AP4E1: variants seen among roughly 807,000 people sequenced by gnomAD.
The protein encoded by AP4E1 is adaptor related protein complex 4 subunit epsilon 1.
In AP4E1, 56 loss-of-function variants were observed where a neutral mutation model predicts 128.2. The observed-to-expected ratio is 0.44, with a 90% confidence interval of 0.35 to 0.55. The LOEUF (loss-of-function observed/expected upper bound fraction) is 0.55. AP4E1 is among the 20% of genes least tolerant of loss of function. The probability of loss-of-function intolerance (pLI) is 0.00; values close to 1 mark genes in which losing one functional copy is unlikely to be tolerated. For synonymous variants in AP4E1, 484 were observed against 473.1 expected (o/e 1.02, Z -0.30); for missense variants, 1,324 against 1,307.7 (o/e 1.01, Z -0.19).
chr15:50,989,563 G>C (rs2064776454), intron 16 of AP4E1, among the ~76,000 whole-genome samples: 1 of 151,868 alleles, frequency 6.6e-6, no homozygotes, highest in African/African-American at 2.4e-5. Flanking sequence ...CAAGCATGGG[G>C]AGCAAATATT....
Position 50,941,764 on chromosome 15 carries a change from A to G in AP4E1, c.1165A>G (p.Ile389Val), listed in dbSNP as rs1256443477. The change falls in exon 10 of 21, where the codon ATT becomes GTT. Residue 389 changes from isoleucine (I) to valine (V), a missense_variant. Coordinates refer to ENST00000261842, the MANE Select transcript of AP4E1 (RefSeq NM_007347.5). ...IECLDHPDPI[I>V]KRETLELLYR... ...ATGTTTAGATCATCCTGATCCCATT[A>G]TTAAAAGAGAGGTAAACTGGTATTT... 1.9e-6 allele frequency: 3 copies of G among 1,607,928 alleles called. No homozygotes were observed. Among genetic ancestry groups the G allele is most frequent in the African/African-American group, 1.3e-5 (1 of 74,730 alleles).
chr15:50,991,863 A>G (rs1489054132), intron 16 of AP4E1, among the ~76,000 whole-genome samples: 2 of 151,928 alleles, frequency 1.3e-5, no homozygotes, highest in Non-Finnish European at 2.9e-5. Context: ...TGTTCATTTC[A>G]TGATCAACTC....
intron 15 of AP4E1, among the ~76,000 whole-genome samples, chr15:50,978,432 G>A (rs934773072): frequency 1.3e-5 from 2 of 152,124 alleles, no homozygotes; most frequent in African/African-American, 4.8e-5. Flanking sequence ...AATAATAGCT[G>A]AGAATGGTTA....
intron 13 of AP4E1, among the ~76,000 whole-genome samples, chr15:50,956,969 T>G (rs1377297077): frequency 6.6e-6 from 1 of 152,128 alleles, no homozygotes; most frequent in Non-Finnish European, 1.5e-5. Flanking sequence ...TGAGTCGCTT[T>G]TGGGCTCTGG....
chr15:50,914,513 T>C (rs1163615637), intron 2 of AP4E1, among the ~76,000 whole-genome samples: 1 of 151,994 alleles, frequency 6.6e-6, no homozygotes, highest in African/African-American at 2.4e-5. Flanking sequence ...TAGATGGGCG[T>C]GGTGGCGTGC....
chr15:50,975,438 G>A (rs933992575), intron 15 of AP4E1, among the ~76,000 whole-genome samples: 1 of 152,150 alleles, frequency 6.6e-6, no homozygotes, highest in African/African-American at 2.4e-5. Context: ...GGGTCTTACA[G>A]TTAAGTCCTT....
At chr15:50,909,362 C>T (rs1222733615) in intron 1 of AP4E1, among the ~76,000 whole-genome samples, 1 of 152,164 alleles carries the variant, frequency 6.6e-6, no homozygotes, top group Non-Finnish European at 1.5e-5. Flanking sequence ...GTTTCCTTCT[C>T]TCCCCCGGTG....
chr15:50,984,775 C>T lies in AP4E1; in HGVS notation c.2090+630C>T, dbSNP rs571152311. Among the ~76,000 whole-genome samples, 11 of 152,250 alleles carry T rather than the reference C, an allele frequency of 7.2e-5. No homozygotes were observed. In the East Asian group the frequency reaches 1.9e-3, roughly 27 times the overall value. The stretch of plus-strand genomic sequence containing the variant: ...TAGTGCCGCAGTAAACATACGTGTG[C>T]ATGTGTCTTTATAGCAGCATGATTT... On this transcript the variant is annotated intron_variant, in intron 16 of 20. Transcript: ENST00000261842.
At chr15:50,938,358 T>G (rs11635015) in intron 8 of AP4E1, among the ~76,000 whole-genome samples, 92,013 of 151,926 alleles carry the variant, frequency 0.61, 28,046 homozygotes, top group Non-Finnish European at 0.63. Context: ...CCTCTATTCC[T>G]TCCAAGCATA....
intron 13 of AP4E1, among the ~76,000 whole-genome samples, chr15:50,954,188 G>A (rs1466810647): frequency 6.6e-6 from 1 of 151,824 alleles, no homozygotes; most frequent in African/African-American, 2.4e-5. Context: ...TTTATCTAGT[G>A]TCATGAGGGC....
chr15:50,940,285 T>C (rs1362750379), intron 8 of AP4E1, among the ~76,000 whole-genome samples: 1 of 152,324 alleles, frequency 6.6e-6, no homozygotes, highest in East Asian at 1.9e-4. Context: ...GTTCCTTTCT[T>C]AAAGAAAAAT....
rs756028764 is a variant in AP4E1 at position 50,928,942 on chromosome 15, A to G, written c.543-67A>G. 30 of 1,509,326 alleles carry G rather than the reference A, an allele frequency of 2.0e-5. No homozygotes were observed. The Admixed American group carries it at 3.8e-4, about 19-fold the overall frequency. 93.5% of individuals were successfully genotyped at this position (1,509,326 alleles called of 1,614,324 possible). A position where few individuals can be genotyped will look rare whatever the true frequency, so the allele number is the denominator to read the frequency against. ...CCAGTATTTTGAAATCATCTGGCCT[A>G]TAATCTTTCAAAGTAAATACTTGAG... is the stretch of plus-strand genomic sequence containing the variant. On this transcript the variant is annotated intron_variant, in intron 5 of 20. Coordinates refer to ENST00000261842, the MANE Select transcript of AP4E1 (RefSeq NM_007347.5).
intron 1 of AP4E1, among the ~76,000 whole-genome samples, chr15:50,909,629 G>A (rs2063539116): frequency 6.6e-6 from 1 of 152,186 alleles, no homozygotes; most frequent in African/African-American, 2.4e-5. Flanking sequence ...CGCCCAGGCT[G>A]GAGTGCAATG....
chr15:50,961,599 A>T (rs980541059), intron 14 of AP4E1, among the ~76,000 whole-genome samples: 1 of 151,906 alleles, frequency 6.6e-6, no homozygotes, highest in African/African-American at 2.4e-5. Flanking sequence ...TAGAAAAAAA[A>T]TACTCAACGT....
chr15:50,997,848 G>C lies in AP4E1; in HGVS notation c.2869G>C (p.Ala957Pro). Residue 957 changes from alanine to proline, a missense_variant, in exon 18 of 21, where the codon GCT becomes CCT. Physicochemically the swap from Ala to Pro is conservative, Grantham distance 27. Transcript: ENST00000261842. The stretch of plus-strand genomic sequence containing the variant: ...TAAGAGTGGTTTGGAATTGAAAAGT[G>C]CTGACTTAGAAATTTTTCCTGCAGA... ...TNKSGLELKS[A>P]DLEIFPAENF... 1 of 1,598,736 alleles carries C rather than the reference G, an allele frequency of 6.3e-7. No individual in the cohort carries two copies. Among genetic ancestry groups the C allele is most frequent in the South Asian group, 1.1e-5 (1 of 89,784 alleles).
At position 50,926,059 on chromosome 15, in the gene AP4E1, C is replaced by A. The variant is rs534785845; in HGVS notation, c.542+840C>A. Reference sequence around the variant, plus strand: ...TTTCCTTAACTGTCTCCTTATCAGACTGACTTACTTTTCACTGTATTTGAA... The same window carrying A: ...TTTCCTTAACTGTCTCCTTATCAGAATGACTTACTTTTCACTGTATTTGAA... On this transcript the variant is annotated intron_variant, in intron 5 of 20. Coordinates refer to ENST00000261842, the MANE Select transcript of AP4E1 (RefSeq NM_007347.5). Among the ~76,000 whole-genome samples, 23 of 152,214 alleles carry A rather than the reference C, an allele frequency of 1.5e-4. 1 individual carries two copies. The highest frequency in any genetic ancestry group is 5.3e-4 in the African/African-American group (22 of 41,550).
In AP4E1 at chr15:51,002,720, T is replaced by C; in HGVS notation, c.*58T>C. The C allele has an allele frequency of 6.3e-7, 1 of 1,596,144 alleles. No homozygotes were observed. Among genetic ancestry groups the C allele is most frequent in the Non-Finnish European group, 8.6e-7 (1 of 1,166,476 alleles). Reference sequence around the variant, plus strand: ...TCAATGGTTTACATAGATAAACTTATTTACCAAAGTAAAAAGAACTCATGG... The same window carrying C: ...TCAATGGTTTACATAGATAAACTTACTTACCAAAGTAAAAAGAACTCATGG... On this transcript the variant is annotated 3_prime_UTR_variant, in exon 21 of 21. Coordinates refer to ENST00000261842, the MANE Select transcript of AP4E1 (RefSeq NM_007347.5).
chr15:50,925,238 G>C lies in AP4E1; in HGVS notation c.542+19G>C. On this transcript the variant is annotated intron_variant, in intron 5 of 20. Coordinates refer to ENST00000261842, the MANE Select transcript of AP4E1 (RefSeq NM_007347.5). ...ATTCTAAGTAAGTAAATTCTTTTGG[G>C]ATAGGCATCTATGCCATATATTTCA... The C allele has an allele frequency of 6.2e-7, 1 of 1,607,244 alleles. No individual in the cohort carries two copies. Among genetic ancestry groups the C allele is most frequent in the South Asian group, 1.1e-5 (1 of 90,846 alleles).
intron 14 of AP4E1, among the ~76,000 whole-genome samples, chr15:50,967,672 G>A (rs1287881485): frequency 6.6e-6 from 1 of 152,194 alleles, no homozygotes; most frequent in Non-Finnish European, 1.5e-5. Context: ...CTAACAGGAT[G>A]CCGTAACATA....
Sources: allele counts gnomAD v4.1 joint callset (sites outside exome capture counted in the v4.1 genomes callset), GRCh38; gene constraint gnomAD v4.1.1; transcripts MANE v1.5; gene names NCBI Gene and HGNC (gene_info 2026-07-23, HGNC 2026-07-21).